The following CTNNA2 variants were observed in gnomAD, a reference collection of about 807,000 sequenced individuals.
CTNNA2 encodes the protein catenin alpha-2.
In CTNNA2, 42 loss-of-function variants were observed where a neutral mutation model predicts 101.0. The ratio of observed to expected loss-of-function variants is 0.42; its 90% CI spans 0.32 to 0.54. The LOEUF (loss-of-function observed/expected upper bound fraction) is 0.54. Ranked by LOEUF, CTNNA2 falls within the 20% of genes least tolerant of loss-of-function variation. The pLI, the probability that CTNNA2 is intolerant of heterozygous loss-of-function variation, is 0.14. For missense variants in CTNNA2, 871 were observed against 1,223.1 expected, an observed-to-expected ratio of 0.71 and a Z score of 4.29; for synonymous variants, 450 against 456.4, an observed-to-expected ratio of 0.99 and a Z score of 0.18.
intron 7 of CTNNA2, among the ~76,000 whole-genome samples, chr2:79,964,931 G>A (rs535754360): frequency 6.6e-6 from 1 of 152,172 alleles, no homozygotes; most frequent in Non-Finnish European, 1.5e-5. Flanking sequence ...GTGTAGGTGG[G>A]ATGCCAATAT....
In CTNNA2 at chr2:79,410,757, T is replaced by C. The variant is rs1055029654; in HGVS notation, c.-135+36744T>C. On this transcript the variant is annotated intron_variant, in intron 4 of 21. Coordinates refer to the CTNNA2 transcript ENST00000466387. Reference sequence around the variant, plus strand: ...GTTCATCAAGGATATTGGTCTAAAATTCTCTTTTTTGGTTGTGTCTCTGCC... The same window carrying C: ...GTTCATCAAGGATATTGGTCTAAAACTCTCTTTTTTGGTTGTGTCTCTGCC... Among the ~76,000 whole-genome samples the C allele has an allele frequency of 1.8e-4, 27 of 149,366 alleles. 1 individual carries two copies. The highest frequency in any genetic ancestry group is 1.8e-3 in the East Asian group (9 of 4,984).
chr2:79,870,050 G>A (rs1372269224), intron 5 of CTNNA2, 115 bp downstream of exon 5: 11 of 1,352,678 alleles, frequency 8.1e-6, no homozygotes, highest in Non-Finnish European at 1.1e-5. Context: ...AATGCCCTAA[G>A]AACCTGTGAT....
intron 7 of CTNNA2, among the ~76,000 whole-genome samples, chr2:80,238,287 C>T (rs1444366629): frequency 6.6e-6 from 1 of 152,102 alleles, no homozygotes; most frequent in African/African-American, 2.4e-5. Flanking sequence ...GTTGTGCAGT[C>T]GAGTTCATGT....
chr2:79,817,634 C>A (rs1004762003), intron 3 of CTNNA2, among the ~76,000 whole-genome samples: 6 of 152,164 alleles, frequency 3.9e-5, no homozygotes, highest in Admixed American at 3.9e-4. Context: ...CAGGCACCTT[C>A]TCTTATGAGA....
intron 3 of CTNNA2, among the ~76,000 whole-genome samples, chr2:79,761,383 A>G (rs1176911551): frequency 3.9e-5 from 6 of 152,162 alleles, no homozygotes; most frequent in Non-Finnish European, 8.8e-5. Flanking sequence ...TTCTATTTTG[A>G]ATTTCTATAA....
chr2:79,679,678 T>A (rs1247985114), intron 2 of CTNNA2, among the ~76,000 whole-genome samples: 1 of 152,108 alleles, frequency 6.6e-6, no homozygotes, highest in East Asian at 1.9e-4. Flanking sequence ...CTTCTGATGT[T>A]CCTAGTATTT....
chr2:80,054,662 G>GGAACCAGAGAACTTGCTGCCCT (rs1697104932), intron 7 of CTNNA2, among the ~76,000 whole-genome samples: 1 of 152,128 alleles, frequency 6.6e-6, no homozygotes, highest in Admixed American at 6.5e-5. Flanking sequence ...AGGAGATGTG[G>GGAACCAGAGAACTTGCTGCCCT]GAACCAGAGA....
chr2:80,529,834 AG>A (rs1471098447), intron 9 of CTNNA2, among the ~76,000 whole-genome samples: 2 of 152,128 alleles, frequency 1.3e-5, no homozygotes, highest in East Asian at 1.9e-4. Flanking sequence ...TGATTCAGCG[AG>A]GGGGGTAAAA....
chr2:80,273,978 C>T (rs920041472), intron 7 of CTNNA2, among the ~76,000 whole-genome samples: 10 of 152,154 alleles, frequency 6.6e-5, no homozygotes, highest in African/African-American at 2.4e-4. Flanking sequence ...TTACTGTATC[C>T]CAGTGCTTAG....
intron 6 of CTNNA2, among the ~76,000 whole-genome samples, chr2:79,897,205 G>C (rs1261547046): frequency 6.6e-6 from 1 of 152,036 alleles, no homozygotes; most frequent in Non-Finnish European, 1.5e-5. Context: ...TCCAGCATCT[G>C]AAACTTGTCG....
chr2:80,496,048 G>A lies in CTNNA2; in HGVS notation c.1291-48934G>A, dbSNP rs555757593. On this transcript the variant is annotated intron_variant, in intron 9 of 18. Coordinates refer to ENST00000402739, the MANE Select transcript of CTNNA2 (RefSeq NM_001282597.3). The stretch of plus-strand genomic sequence containing the variant: ...AGAGATTAGAGTGACACAGCTGCAA[G>A]TCAAGGAATACCAAACATTGCTGGG... Among the ~76,000 whole-genome samples the A allele has an allele frequency of 2.7e-5, 4 of 150,942 alleles. No individual in the cohort carries two copies. The South Asian group carries it at 8.4e-4, about 32-fold the overall frequency.
At chr2:80,091,596 G>C (rs1457951500) in intron 7 of CTNNA2, among the ~76,000 whole-genome samples, 1 of 152,120 alleles carries the variant, frequency 6.6e-6, no homozygotes, top group Non-Finnish European at 1.5e-5. Flanking sequence ...ACCTAGGCTA[G>C]AGTTAGGACA....
At chr2:79,766,947 G>T (rs1673208583) in intron 3 of CTNNA2, among the ~76,000 whole-genome samples, 1 of 151,686 alleles carries the variant, frequency 6.6e-6, no homozygotes, top group Admixed American at 6.6e-5. Context: ...GTAGAGATAG[G>T]GTTTCACCAT....
At chr2:80,036,385 G>C (rs924887960) in intron 7 of CTNNA2, among the ~76,000 whole-genome samples, 1 of 152,136 alleles carries the variant, frequency 6.6e-6, no homozygotes, top group Non-Finnish European at 1.5e-5. Flanking sequence ...CTTGAGGCCA[G>C]GAGTTCCAGA....
In CTNNA2 at chr2:79,829,646, T is replaced by TA. The variant is rs1223378904; in HGVS notation, c.299-28361dup. Among the ~76,000 whole-genome samples, 4 of 152,070 alleles carry TA rather than the reference T, an allele frequency of 2.6e-5. No homozygotes were observed. In the South Asian group the frequency reaches 6.2e-4, roughly 24 times the overall value. Reference sequence around the variant, plus strand: ...TCACCTGCTTACTCATGTCTGTTTTTAAAAAAGAGGAGTGCGTATTCCTCG... The same window carrying TA: ...TCACCTGCTTACTCATGTCTGTTTTTAAAAAAAGAGGAGTGCGTATTCCTCG... On this transcript the variant is annotated intron_variant, in intron 3 of 18. Coordinates refer to ENST00000402739, the MANE Select transcript of CTNNA2 (RefSeq NM_001282597.3).
chr2:79,401,794 T>G (rs1678293133), intron 4 of CTNNA2, among the ~76,000 whole-genome samples: 1 of 151,582 alleles, frequency 6.6e-6, no homozygotes, highest in African/African-American at 2.4e-5. Context: ...AAATTGACAC[T>G]TTATTCAAAA....
chr2:80,636,368 A>C (rs569983128), intron 18 of CTNNA2, among the ~76,000 whole-genome samples: 2 of 152,190 alleles, frequency 1.3e-5, no homozygotes, highest in African/African-American at 2.4e-5. Context: ...AGCAAAATAC[A>C]GTTAAAGATT....
chr2:79,875,872 GTTTAC>G (rs1478382488), intron 6 of CTNNA2, among the ~76,000 whole-genome samples: 1 of 151,814 alleles, frequency 6.6e-6, no homozygotes, highest in African/African-American at 2.4e-5. Context: ...TCAAAATAAT[GTTTAC>G]TTTATATAAC....
rs753989146 is a variant in CTNNA2, at chr2:80,545,973, G to A, written c.1450G>A (p.Val484Ile). The change falls in exon 11 of 19, where the codon GTC (valine) becomes ATC (isoleucine). Residue 484 changes from valine (V) to isoleucine (I), a missense_variant. Transcript: ENST00000402739. ...CAAAGTTGCTCAGGATAACATGGAC[G>A]TCTTCAAAGACCAGTGGGAGAAGCA... ...QSKVAQDNMD[V>I]FKDQWEKQVR... The A allele has an allele frequency of 2.7e-5, 44 of 1,613,994 alleles. No homozygotes were observed. Among genetic ancestry groups the A allele is most frequent in the Admixed American group, 2.0e-4 (12 of 59,994 alleles).
Sources: gnomAD v4.1 joint callset for allele counts (sites outside exome capture counted in the v4.1 genomes callset) on GRCh38, gnomAD v4.1.1 for gene constraint, MANE v1.5 for transcripts, NCBI Gene and HGNC (gene_info 2026-07-23, HGNC 2026-07-21) for gene names.